Variants in FBXO16 observed in about 807,000 individuals in gnomAD.
FBXO16 encodes the protein F-box only protein 16.
FBXO16 carries 31 observed loss-of-function variants against 41.0 expected under a neutral mutation model. That is an observed-to-expected ratio of 0.76 (90% CI 0.57 to 1.02). The LOEUF (loss-of-function observed/expected upper bound fraction) is 1.02. Among genes scored for constraint, FBXO16 ranks in the 50% least tolerant of loss-of-function variants. The pLI is 0.00. For missense variants in FBXO16, 361 were observed against 346.2 expected (o/e 1.04, Z -0.34); for synonymous variants, 133 against 117.8 (o/e 1.13, Z -0.84).
intron 4 of FBXO16, among the ~76,000 whole-genome samples, chr8:28,461,856 G>A (rs1311465657): frequency 1.3e-5 from 2 of 151,756 alleles, no homozygotes; most frequent in African/African-American, 4.8e-5. Context: ...GACTTTAATA[G>A]TTTCCTTTGG....
intron 7 of FBXO16, among the ~76,000 whole-genome samples, chr8:28,445,236 C>T (rs1802845610): frequency 6.6e-6 from 1 of 152,206 alleles, no homozygotes; most frequent in South Asian, 2.1e-4. Context: ...CTATTCTTCT[C>T]TCACTGCTTA....
At chr8:28,464,540 A>G (rs1333368665) in intron 3 of FBXO16, among the ~76,000 whole-genome samples, 1 of 152,240 alleles carries the variant, frequency 6.6e-6, no homozygotes, top group Non-Finnish European at 1.5e-5. Flanking sequence ...CTTCACTGGA[A>G]GTCTTAATCT....
At chr8:28,433,110 C>A (rs1802636186) in intron 7 of FBXO16, among the ~76,000 whole-genome samples, 1 of 150,902 alleles carries the variant, frequency 6.6e-6, no homozygotes, top group Non-Finnish European at 1.5e-5. Context: ...AACATAACAA[C>A]AACAACAAAA....
intron 7 of FBXO16, among the ~76,000 whole-genome samples, chr8:28,435,856 G>A (rs1802679996): frequency 1.3e-5 from 2 of 152,138 alleles, no homozygotes; most frequent in South Asian, 2.1e-4. Context: ...GCTTGGCGGT[G>A]GGATTTCACC....
In FBXO16 at chr8:28,463,711, A is replaced by T. The variant is rs755008482; in HGVS notation, c.243T>A (p.Ile81=). 1.1e-5 allele frequency: 18 copies of T among 1,614,228 alleles called. No homozygotes were observed. In the South Asian group the frequency reaches 2.0e-4, roughly 18 times the overall value. Residue 81 remains isoleucine (I), a synonymous_variant, in exon 4 of 9, where the codon ATT becomes ATA. Coordinates refer to ENST00000380254, the MANE Select transcript of FBXO16 (RefSeq NM_172366.4). ...TTGTAAAGTCCAGGGCTTCTGCTGGAATTTTCTCTTGAAGCTTTCGACAGC... is the reference window on the plus strand; with the variant it reads ...TTGTAAAGTCCAGGGCTTCTGCTGGTATTTTCTCTTGAAGCTTTCGACAGC... ...KFCCRKLQEK[I]PAEALDFTTK... is the part of the protein sequence containing the mutation.
chr8:28,447,710 T>G (rs1352893525), intron 6 of FBXO16: 1 of 156,060 alleles, frequency 6.4e-6, no homozygotes, highest in African/African-American at 2.4e-5. Flanking sequence ...TCCCAGCACT[T>G]TGGGAGGCCA....
At chr8:28,457,349 ATTC>A (rs1803055250) in intron 4 of FBXO16, among the ~76,000 whole-genome samples, 1 of 152,064 alleles carries the variant, frequency 6.6e-6, no homozygotes, top group African/African-American at 2.4e-5. Flanking sequence ...CACTTTTTTT[ATTC>A]TTTTCATGGT....
At chr8:28,473,863 A>G (rs916109597) in intron 2 of FBXO16, 56 bp from the exon 3 acceptor site, 1 of 1,298,142 alleles carries the variant, frequency 7.7e-7, no homozygotes, top group Non-Finnish European at 1.1e-6. Context: ...CAAAATACCC[A>G]TTACAAGAAA....
intron 7 of FBXO16, among the ~76,000 whole-genome samples, chr8:28,445,985 A>C (rs1167462166): frequency 6.6e-6 from 1 of 152,036 alleles, no homozygotes; most frequent in Non-Finnish European, 1.5e-5. Context: ...CTTCGTGCCA[A>C]AGACTTGCAT....
chr8:28,465,195 T>C (rs905742341), intron 3 of FBXO16: 4 of 162,032 alleles, frequency 2.5e-5, no homozygotes, highest in African/African-American at 9.6e-5. Flanking sequence ...TGTCAACAAA[T>C]TGCGTTTAAA....
chr8:28,469,521 T>TCA (rs778992231), intron 3 of FBXO16, among the ~76,000 whole-genome samples: 2 of 152,058 alleles, frequency 1.3e-5, no homozygotes, highest in East Asian at 1.9e-4. Flanking sequence ...TTCTATACAT[T>TCA]CACACACACA....
intron 3 of FBXO16, among the ~76,000 whole-genome samples, chr8:28,469,014 AT>A (rs1010886512): frequency 4.6e-5 from 7 of 152,136 alleles, no homozygotes; most frequent in East Asian, 1.9e-4. Flanking sequence ...TTAAAAAAAA[AT>A]TTTTTTATTA....
chr8:28,435,356 C>T (rs1174627654), intron 7 of FBXO16, among the ~76,000 whole-genome samples: 1 of 151,784 alleles, frequency 6.6e-6, no homozygotes, highest in East Asian at 1.9e-4. Context: ...GTATTTTTAG[C>T]AGAGATGGGG....
chr8:28,450,028 G>C (rs1337292698), intron 6 of FBXO16, among the ~76,000 whole-genome samples: 1 of 144,506 alleles, frequency 6.9e-6, no homozygotes, highest in African/African-American at 2.6e-5. Flanking sequence ...CCCAAAAGAA[G>C]ATCAAAATTG....
At chr8:28,477,930 T>C (rs1563369866) in intron 2 of FBXO16, among the ~76,000 whole-genome samples, 1 of 152,110 alleles carries the variant, frequency 6.6e-6, no homozygotes. Flanking sequence ...GGAAGATAGC[T>C]TGAGCCCAGG....
At position 28,428,503 on chromosome 8, in the gene FBXO16, T is replaced by A; in HGVS notation, c.*224A>T. On this transcript the variant is annotated 3_prime_UTR_variant, in exon 9 of 9. Transcript: ENST00000380254. ...GAGTTTCTAATGGGAGCCAAGTAAATTCAGCTCTCCACTGTGCAAAGCATC... is the reference window on the plus strand; with the variant it reads ...GAGTTTCTAATGGGAGCCAAGTAAAATCAGCTCTCCACTGTGCAAAGCATC... The A allele has an allele frequency of 2.0e-6, 3 of 1,470,382 alleles. No individual in the cohort carries two copies. In the South Asian group the frequency reaches 3.9e-5, roughly 19 times the overall value. 91.1% of individuals were successfully genotyped at this position (1,470,382 alleles called of 1,614,324 possible).
intron 3 of FBXO16, among the ~76,000 whole-genome samples, chr8:28,465,884 T>A (rs1442323857): frequency 6.6e-6 from 1 of 151,484 alleles, no homozygotes; most frequent in Non-Finnish European, 1.5e-5. Flanking sequence ...TTTGATTACG[T>A]GAGAGTGCCT....
chr8:28,457,276 A>C (rs893348234), intron 4 of FBXO16, among the ~76,000 whole-genome samples: 7 of 152,188 alleles, frequency 4.6e-5, no homozygotes, highest in Non-Finnish European at 8.8e-5. Flanking sequence ...AGACTTCGGA[A>C]CTTTCTAGAG....
intron 7 of FBXO16, among the ~76,000 whole-genome samples, chr8:28,431,076 T>C (rs1802598521): frequency 6.6e-6 from 1 of 152,214 alleles, no homozygotes; most frequent in South Asian, 2.1e-4. Context: ...TGTAACAGTT[T>C]CAAATTTAAC....
Sources: allele counts gnomAD v4.1 joint callset (sites outside exome capture counted in the v4.1 genomes callset), GRCh38; gene constraint gnomAD v4.1.1; transcripts MANE v1.5; gene names NCBI Gene and HGNC (gene_info 2026-07-23, HGNC 2026-07-21).